PPARA: variants seen among roughly 807,000 people sequenced by gnomAD.
PPARA encodes the protein peroxisome proliferator-activated receptor alpha.
A neutral mutation model predicts 42.2 loss-of-function variants in PPARA; 22 were observed. The observed-to-expected ratio is 0.52, with a 90% CI of 0.37 to 0.74. PPARA has a LOEUF of 0.74. Ranked by LOEUF, PPARA falls within the 30% of genes least tolerant of loss-of-function variation. The pLI, the probability that PPARA is intolerant of heterozygous loss-of-function variation, is 0.00. For synonymous variants in PPARA, 242 were observed against 239.3 expected (o/e 1.01, Z -0.10); for missense variants, 465 against 608.2 (o/e 0.76, Z 2.48).
intron 2 of PPARA, among the ~76,000 whole-genome samples, chr22:46,175,169 G>A (rs1005809933): frequency 7.2e-5 from 11 of 151,964 alleles, no homozygotes; most frequent in African/African-American, 4.8e-5. Flanking sequence ...TTGGCCTCAC[G>A]TGCAGTTTTA....
In PPARA at chr22:46,233,294, T is replaced by C. The variant is rs1351302332; in HGVS notation, c.1159+1055T>C. On this transcript the variant is annotated intron_variant, in intron 8 of 8. Transcript: ENST00000407236. This position sits in a 1 kb window ranked among gnomAD's most constrained non-coding sequence, Gnocchi z 7.3. ...AAGCAGATCCCAGGGAAGGCCGATCTGGTCCTCTCTGTGGAAGCTGGCTCT... is the reference window on the plus strand; with the variant it reads ...AAGCAGATCCCAGGGAAGGCCGATCCGGTCCTCTCTGTGGAAGCTGGCTCT... Among the ~76,000 whole-genome samples the C allele has an allele frequency of 2.6e-5, 4 of 152,192 alleles. No individual in the cohort carries two copies. Among genetic ancestry groups the C allele is most frequent in the African/African-American group, 9.7e-5 (4 of 41,446 alleles).
At chr22:46,208,702 C>T (rs1243869720) in intron 4 of PPARA, among the ~76,000 whole-genome samples, 2 of 152,040 alleles carry the variant, frequency 1.3e-5, no homozygotes, top group Non-Finnish European at 2.9e-5. Flanking sequence ...CTCCCCATTC[C>T]CTCCCTCAAC....
At chr22:46,185,917 AT>A (rs58195591) in intron 3 of PPARA, among the ~76,000 whole-genome samples, 647 of 10,078 alleles carry the variant, frequency 0.064, 35 homozygotes, top group East Asian at 0.092. Flanking sequence ...AAAAAAAAAA[AT>A]ATATATATAT....
rs1930407427 is a variant in PPARA at position 46,184,619 on chromosome 22, T to G, written c.-43+7783T>G. On this transcript the variant is annotated intron_variant, in intron 3 of 8. Coordinates refer to ENST00000407236, the MANE Select transcript of PPARA (RefSeq NM_005036.6). The surrounding 1 kb of genome is among the most constrained non-coding windows in gnomAD (Gnocchi z 4.4). ...GGCTCACACCTGTAATCCCAGCAAT[T>G]TGGGAGGCCGAGATTACCTGAGGTC... Among the ~76,000 whole-genome samples, 1 of 152,154 alleles carries G rather than the reference T, an allele frequency of 6.6e-6. No homozygotes were observed. Among genetic ancestry groups the G allele is most frequent in the South Asian group, 2.1e-4 (1 of 4,828 alleles).
chr22:46,152,480 A>G (rs977145577), intron 2 of PPARA, among the ~76,000 whole-genome samples: 1 of 151,982 alleles, frequency 6.6e-6, no homozygotes, highest in African/African-American at 2.4e-5. Flanking sequence ...TTTGCTAGGA[A>G]CTTCATTGCT....
rs1328315400 is a variant in PPARA at position 46,156,207 on chromosome 22, T to G, written c.-127+4237T>G. ...TATAGTGGAAAAGGTATTAGGTCAT[T>G]AATCATGAGATTTGGATTCTAGCCC... On this transcript the variant is annotated intron_variant, in intron 2 of 8. Coordinates refer to ENST00000407236, the MANE Select transcript of PPARA (RefSeq NM_005036.6). This position sits in a 1 kb window ranked among gnomAD's most constrained non-coding sequence, Gnocchi z 5.2. 6.6e-6 allele frequency: 1 copy of G among 152,230 alleles called. No homozygotes were observed. The highest frequency in any genetic ancestry group is 1.5e-5 in the Non-Finnish European group (1 of 68,050). 9.4% of individuals were successfully genotyped at this position (152,230 alleles called of 1,614,324 possible).
intron 3 of PPARA, among the ~76,000 whole-genome samples, chr22:46,194,674 C>A (rs1160185172): frequency 6.7e-6 from 1 of 149,796 alleles, no homozygotes; most frequent in South Asian, 2.1e-4. Context: ...CAGGTTCAAG[C>A]GATTCTCCTG....
Position 46,207,646 on chromosome 22 carries a change from T to A in PPARA, c.209-7527T>A, listed in dbSNP as rs1483968761. ...TCTTCTTGTTTTTAATTAATTAATT[T>A]ATTATTATTATTATTATTATTATTA... On this transcript the variant is annotated intron_variant, in intron 4 of 8. Coordinates refer to ENST00000407236, the MANE Select transcript of PPARA (RefSeq NM_005036.6). Among the ~76,000 whole-genome samples, 4 of 80,624 alleles carry A rather than the reference T, an allele frequency of 5.0e-5. No individual in the cohort carries two copies. The East Asian group carries it at 9.7e-4, about 19-fold the overall frequency. The allele number at this position is 80,624 out of a possible 152,430, so 52.9% of individuals were successfully genotyped here.
rs1219132773 is a variant in PPARA, at chr22:46,231,653, T to C, written c.712-139T>C. ...ACCGATTTTGAAGTTGAGTAAGGAC[T>C]ATGTTCCGCGGGTATCTTGAGTCCT... On this transcript the variant is annotated intron_variant, in intron 7 of 8. Transcript: ENST00000407236. The surrounding 1 kb of genome is among the most constrained non-coding windows in gnomAD (Gnocchi z 7.7). 1.2e-5 allele frequency: 10 copies of C among 835,834 alleles called. No individual in the cohort carries two copies. In the East Asian group the frequency reaches 2.4e-4, roughly 20 times the overall value. 51.8% of individuals were successfully genotyped at this position (835,834 alleles called of 1,614,324 possible).
intron 7 of PPARA, among the ~76,000 whole-genome samples, chr22:46,226,682 A>C (rs1935483979): frequency 6.6e-6 from 1 of 152,148 alleles, no homozygotes; most frequent in Admixed American, 6.6e-5. Context: ...AAAATAAGAA[A>C]GGCCGGCTTG....
At position 46,160,148 on chromosome 22, in the gene PPARA, A is replaced by C. The variant is rs904317192; in HGVS notation, c.-127+8178A>C. ...GCTCCCATTCCCAGCTAAGGGTGGC[A>C]GCTGGCGGGGATCTTTCCAGCAGAA... On this transcript the variant is annotated intron_variant, in intron 2 of 8. Coordinates refer to ENST00000407236, the MANE Select transcript of PPARA (RefSeq NM_005036.6). The surrounding 1 kb of genome is among the most constrained non-coding windows in gnomAD (Gnocchi z 4.5). 6.6e-6 allele frequency among the ~76,000 whole-genome samples: 1 copy of C among 152,246 alleles called. No homozygotes were observed. The highest frequency in any genetic ancestry group is 2.4e-5 in the African/African-American group (1 of 41,472).
rs1030270618 is a variant in PPARA, at chr22:46,180,723, G to A, written c.-43+3887G>A. On this transcript the variant is annotated intron_variant, in intron 3 of 8. Coordinates refer to ENST00000407236, the MANE Select transcript of PPARA (RefSeq NM_005036.6). This position sits in a 1 kb window ranked among gnomAD's most constrained non-coding sequence, Gnocchi z 4.2. Reference sequence around the variant, plus strand: ...CTGACTTTCTGGATGCAAGTCCACTGAGCCAGTGTACACCTTAAATAAATC... The same window carrying A: ...CTGACTTTCTGGATGCAAGTCCACTAAGCCAGTGTACACCTTAAATAAATC... Among the ~76,000 whole-genome samples the A allele has an allele frequency of 6.6e-6, 1 of 152,126 alleles. No individual in the cohort carries two copies. The highest frequency in any genetic ancestry group is 1.5e-5 in the Non-Finnish European group (1 of 68,036).
chr22:46,207,717 G>A (rs1476671747), intron 4 of PPARA, among the ~76,000 whole-genome samples: 6 of 114,480 alleles, frequency 5.2e-5, no homozygotes, highest in East Asian at 2.7e-4. Flanking sequence ...AGGGTCTTGC[G>A]CTGATGCCGA....
rs1377538516 is a variant in PPARA at position 46,150,623 on chromosome 22, CG to C, written c.-237del. The C allele has an allele frequency of 7.7e-6, 1 of 130,318 alleles. No homozygotes were observed. The highest frequency in any genetic ancestry group is 1.6e-5 in the Non-Finnish European group (1 of 61,846). The allele number at this position is 130,318 out of a possible 1,614,324, so 8.1% of individuals were successfully genotyped here. ...GCCGCCTCCTTCGGCGTTCGCCCCA[CG>C]GACCGGCAGGCGGCGGACCGCGGCC... On this transcript the variant is annotated 5_prime_UTR_variant, in exon 1 of 9. Transcript: ENST00000407236. The surrounding 1 kb of genome is among the most constrained non-coding windows in gnomAD (Gnocchi z 7.5).
At position 46,151,632 on chromosome 22, in the gene PPARA, G is replaced by T. The variant is rs958610870; in HGVS notation, c.-209-256G>T. ...GCCTGGGCTTCGTGGGACCTCCGGG[G>T]CTGCACGCCCACGTCAGCCTCAGCC... is the stretch of plus-strand genomic sequence containing the variant. On this transcript the variant is annotated intron_variant, in intron 1 of 8. Transcript: ENST00000407236. Among the ~76,000 whole-genome samples the T allele has an allele frequency of 6.2e-4, 94 of 152,382 alleles. 2 individuals are homozygous for T. The highest frequency in any genetic ancestry group is 2.2e-3 in the African/African-American group (90 of 41,592).
At position 46,171,767 on chromosome 22, in the gene PPARA, C is replaced by T. The variant is rs1287663862; in HGVS notation, c.-126-4986C>T. On this transcript the variant is annotated intron_variant, in intron 2 of 8. Transcript: ENST00000407236. This position sits in a 1 kb window ranked among gnomAD's most constrained non-coding sequence, Gnocchi z 5.0. ...GTCCCAGGGGAGAGGCAGGACCAGT[C>T]TCGTGGAGGTCGGGGCCGTTGTGAG... is the stretch of plus-strand genomic sequence containing the variant. Among the ~76,000 whole-genome samples, 7 of 152,098 alleles carry T rather than the reference C, an allele frequency of 4.6e-5. No homozygotes were observed. The highest frequency in any genetic ancestry group is 3.9e-4 in the Admixed American group (6 of 15,272).
chr22:46,215,751 A>AG (rs1934425249), intron 5 of PPARA, among the ~76,000 whole-genome samples: 1 of 151,780 alleles, frequency 6.6e-6, no homozygotes, highest in Non-Finnish European at 1.5e-5. Context: ...TTAAAAAAAA[A>AG]GAAAGAAAAA....
At position 46,221,212 on chromosome 22, in the gene PPARA, C is replaced by A. The variant is rs1934974226; in HGVS notation, c.711+1198C>A. ...ATCAGATCTTGTGAGAACGCTATCA[C>A]TAGAGTAGCACCAAGAGGATGGTGC... On this transcript the variant is annotated intron_variant, in intron 7 of 8. Coordinates refer to ENST00000407236, the MANE Select transcript of PPARA (RefSeq NM_005036.6). This position sits in a 1 kb window ranked among gnomAD's most constrained non-coding sequence, Gnocchi z 5.9. Among the ~76,000 whole-genome samples the A allele has an allele frequency of 6.6e-6, 1 of 152,138 alleles. No homozygotes were observed. The highest frequency in any genetic ancestry group is 1.9e-4 in the East Asian group (1 of 5,186).
Position 46,166,548 on chromosome 22 carries a change from G to T in PPARA, c.-126-10205G>T, listed in dbSNP as rs191055435. ...CAGGAGAATTGCTTGAACCCAGGAG[G>T]CAGAGCTTGCAGTGAGCCGAGATCA... On this transcript the variant is annotated intron_variant, in intron 2 of 8. Transcript: ENST00000407236. 5.3e-5 allele frequency among the ~76,000 whole-genome samples: 8 copies of T among 151,056 alleles called. No homozygotes were observed. The East Asian group carries it at 1.6e-3, about 29-fold the overall frequency.
Sources: allele counts gnomAD v4.1 joint callset (sites outside exome capture counted in the v4.1 genomes callset), GRCh38; gene constraint gnomAD v4.1.1; non-coding constraint Gnocchi (gnomAD v3.1); transcripts MANE v1.5; gene names NCBI Gene and HGNC (gene_info 2026-07-23, HGNC 2026-07-21).